The following CYP2C8 variants were observed in gnomAD, a reference collection of about 807,000 sequenced individuals.
CYP2C8 encodes cytochrome P450 family 2 subfamily C member 8, also known as cytochrome P450 2C8.
CYP2C8 carries 51 observed loss-of-function variants against 41.3 expected under a neutral mutation model. That is an observed-to-expected ratio of 1.24 (90% confidence interval 0.99 to 1.56). The LOEUF is 1.56. Ranked by LOEUF, CYP2C8 falls within the 40% of genes most tolerant of loss-of-function variation. The probability of loss-of-function intolerance (pLI) is 0.00; values close to 1 mark genes in which losing one functional copy is unlikely to be tolerated. For missense variants in CYP2C8, 651 were observed against 579.9 expected (o/e 1.12, Z -1.26); for synonymous variants, 218 against 205.8 (o/e 1.06, Z -0.51).
chr10:95,046,429 A>G (rs550858038), intron 5 of CYP2C8, among the ~76,000 whole-genome samples: 2 of 135,186 alleles, frequency 1.5e-5, no homozygotes, highest in East Asian at 2.3e-4. Flanking sequence ...AGTGAGAGCA[A>G]TTGGGGGGGG....
Position 95,037,257 on chromosome 10 carries a change from A to G in CYP2C8, c.1344T>C (p.Phe448=), listed in dbSNP as rs764554009. The G allele has an allele frequency of 6.2e-7, 1 of 1,613,704 alleles. No homozygotes were observed. The highest frequency in any genetic ancestry group is 8.5e-7 in the Non-Finnish European group (1 of 1,179,692). ...EGLARMELFL[F]LTTILQNFNL... ...TAAAGTTCTGTAAAATTGTGGTTAG[A>G]AATAAAAATAGCTCCATGCGGGCAA... is the stretch of plus-strand genomic sequence containing the variant. Residue 448 remains phenylalanine, a synonymous_variant, in exon 9 of 9, where the codon TTT becomes TTC. Coordinates refer to ENST00000371270, the MANE Select transcript of CYP2C8 (RefSeq NM_000770.3).
chr10:95,067,605 T>C lies in CYP2C8; in HGVS notation c.255A>G (p.Glu85=), dbSNP rs1459213422. The change falls in exon 2 of 9, where the codon GAA becomes GAG. Residue 85 remains glutamate, a synonymous_variant. Coordinates refer to ENST00000371270, the MANE Select transcript of CYP2C8 (RefSeq NM_000770.3). ...ACTCCTCTCCATTATCAATCAGGGC[T>C]TCCTTCACTGCCTCATATCCATGAA... ...VVFHGYEAVK[E]ALIDNGEEFS... is the part of the protein sequence containing the mutation. 6.2e-7 allele frequency: 1 copy of C among 1,614,182 alleles called. No homozygotes were observed.
chr10:95,038,390 C>A (rs558657461), intron 8 of CYP2C8, among the ~76,000 whole-genome samples: 82 of 152,304 alleles, frequency 5.4e-4, no homozygotes, highest in African/African-American at 1.9e-3. Flanking sequence ...AGGGCCTGTG[C>A]TTTCCTCTCT....
At chr10:95,047,951 A>C (rs1027368312) in intron 5 of CYP2C8, among the ~76,000 whole-genome samples, 1 of 152,216 alleles carries the variant, frequency 6.6e-6, no homozygotes, top group Non-Finnish European at 1.5e-5. Context: ...AGCCTACTCC[A>C]GTACTTGTGC....
At chr10:95,068,741 G>T in intron 1 of CYP2C8, 1 of 614,916 alleles carries the variant, frequency 1.6e-6, no homozygotes, top group Non-Finnish European at 2.7e-6. Flanking sequence ...AACTCACTCC[G>T]CTATTTCTGA....
intron 4 of CYP2C8, among the ~76,000 whole-genome samples, chr10:95,064,375 A>G (rs919670187): frequency 6.6e-6 from 1 of 152,172 alleles, no homozygotes. Flanking sequence ...GTTGGATCTC[A>G]GACTGCTGTG....
intron 5 of CYP2C8, among the ~76,000 whole-genome samples, chr10:95,051,767 CAAA>C (rs957650106): frequency 6.6e-6 from 1 of 151,908 alleles, no homozygotes; most frequent in Non-Finnish European, 1.5e-5. Flanking sequence ...TTTCTTGAAA[CAAA>C]TGATGAGAAA....
chr10:95,045,509 C>T (rs1318596412), intron 6 of CYP2C8, among the ~76,000 whole-genome samples: 1 of 152,148 alleles, frequency 6.6e-6, no homozygotes, highest in Non-Finnish European at 1.5e-5. Context: ...AACCAACATT[C>T]AATACTAGGG....
Position 95,064,935 on chromosome 10 carries a change from G to A in CYP2C8, c.507C>T (p.Ile169=), listed in dbSNP as rs765029344. The A allele has an allele frequency of 1.1e-5, 18 of 1,590,354 alleles. No individual in the cohort carries two copies. In the Admixed American group the frequency reaches 2.7e-4, roughly 24 times the overall value. ...TKASPCDPTF[I]LGCAPCNVIC... ...TCACATTGCAGGGAGCACAGCCCAG[G>A]ATGAAAGTGGGATCACAGGGTGAAG... The change falls in exon 4 of 9, where the codon ATC becomes ATT. Residue 169 remains isoleucine (I), a synonymous_variant. Transcript: ENST00000371270.
chr10:95,048,867 A>T (rs766073945), intron 5 of CYP2C8, among the ~76,000 whole-genome samples: 1 of 152,204 alleles, frequency 6.6e-6, no homozygotes, highest in Non-Finnish European at 1.5e-5. Context: ...AATCATAAAA[A>T]TTCTAGAAAA....
At chr10:95,068,278 G>A (rs894388591) in intron 1 of CYP2C8, among the ~76,000 whole-genome samples, 8 of 152,152 alleles carry the variant, frequency 5.3e-5, no homozygotes, top group African/African-American at 9.7e-5. Flanking sequence ...AATATGGAAC[G>A]ATGAAGCACC....
intron 4 of CYP2C8, among the ~76,000 whole-genome samples, chr10:95,059,603 C>T (rs1475592527): frequency 6.6e-6 from 1 of 152,172 alleles, no homozygotes; most frequent in South Asian, 2.1e-4. Context: ...TGCCTATTCA[C>T]TCTGATGGTA....
chr10:95,056,923 C>G (rs1292231514), intron 5 of CYP2C8, among the ~76,000 whole-genome samples: 1 of 152,142 alleles, frequency 6.6e-6, no homozygotes, highest in Non-Finnish European at 1.5e-5. Context: ...TAGAAGAAAA[C>G]AGCTTTGTTG....
Position 95,043,394 on chromosome 10 carries a change from A to C in CYP2C8, c.962-317T>G, listed in dbSNP as rs574119103. On this transcript the variant is annotated intron_variant, in intron 6 of 8. Transcript: ENST00000371270. Reference sequence around the variant, plus strand: ...ATAAATTACAGTGCTTGCAAACAGAAAAACAATCAAATATGTATTATCAAA... The same window carrying C: ...ATAAATTACAGTGCTTGCAAACAGACAAACAATCAAATATGTATTATCAAA... Among the ~76,000 whole-genome samples the C allele has an allele frequency of 1.8e-3, 277 of 152,342 alleles. 2 individuals carry two copies. Among genetic ancestry groups the C allele is most frequent in the African/African-American group, 6.1e-3 (253 of 41,574 alleles).
intron 5 of CYP2C8, among the ~76,000 whole-genome samples, chr10:95,047,794 G>A (rs977091104): frequency 6.6e-6 from 1 of 152,134 alleles, no homozygotes; most frequent in African/African-American, 2.4e-5. Context: ...TAGTAATCAA[G>A]AACTCCACCC....
intron 1 of CYP2C8, 124 bp from the exon 2 acceptor site, chr10:95,067,815 A>G (rs564306898): frequency 4.6e-4 from 488 of 1,052,778 alleles, no homozygotes; most frequent in Non-Finnish European, 6.3e-4. Flanking sequence ...TAGATTCGAT[A>G]TTTCTGAATT....
chr10:95,062,624 C>T (rs971814163), intron 4 of CYP2C8, among the ~76,000 whole-genome samples: 13 of 152,116 alleles, frequency 8.5e-5, no homozygotes, highest in African/African-American at 2.2e-4. Context: ...TTAATTGGAG[C>T]GTTTAACCCA....
chr10:95,043,840 A>G (rs1461070845), intron 6 of CYP2C8, among the ~76,000 whole-genome samples: 1 of 148,600 alleles, frequency 6.7e-6, no homozygotes, highest in Non-Finnish European at 1.5e-5. Context: ...CATTGTTTAC[A>G]TCATTCTAAA....
At chr10:95,061,178 C>T (rs909964321) in intron 4 of CYP2C8, among the ~76,000 whole-genome samples, 15 of 152,182 alleles carry the variant, frequency 9.9e-5, no homozygotes, top group Non-Finnish European at 1.8e-4. Flanking sequence ...GGAGGATTCC[C>T]TCTTTTTCTA....
Sources: allele counts gnomAD v4.1 joint callset (sites outside exome capture counted in the v4.1 genomes callset), GRCh38; gene constraint gnomAD v4.1.1; transcripts MANE v1.5; gene names NCBI Gene and HGNC (gene_info 2026-07-23, HGNC 2026-07-21).